Variants in FMN1 observed in about 807,000 individuals in gnomAD.
FMN1 encodes the protein formin-1.
FMN1 carries 110 observed loss-of-function variants against 132.4 expected under a neutral mutation model. The ratio of observed to expected loss-of-function variants is 0.83; its 90% confidence interval spans 0.71 to 0.97. FMN1 has a LOEUF of 0.97. FMN1 is among the 50% of genes least tolerant of loss of function. FMN1 has a pLI of 0.00. For synonymous variants in FMN1, 722 were observed against 651.7 expected (o/e 1.11, Z -1.64); for missense variants, 1,792 against 1,705.3 (o/e 1.05, Z -0.90).
chr15:32,898,142 C>T (rs2060204335), intron 15 of FMN1, among the ~76,000 whole-genome samples: 1 of 152,170 alleles, frequency 6.6e-6, no homozygotes, highest in South Asian at 2.1e-4. Context: ...TACTATTCTT[C>T]CCTCGATGCT....
intron 16 of FMN1, among the ~76,000 whole-genome samples, chr15:32,866,993 GCTCT>G (rs1244011944): frequency 6.6e-5 from 10 of 152,258 alleles, no homozygotes; most frequent in East Asian, 3.9e-4. Flanking sequence ...CCCATGCTAT[GCTCT>G]CTGTCTAGAC....
At chr15:32,902,879 GA>G (rs2060331594) in intron 12 of FMN1, among the ~76,000 whole-genome samples, 1 of 152,168 alleles carries the variant, frequency 6.6e-6, no homozygotes, top group African/African-American at 2.4e-5. Context: ...CAGAAAAGGA[GA>G]AAATCTACTA....
chr15:33,125,347 T>C (rs1364073336), intron 4 of FMN1, among the ~76,000 whole-genome samples: 3 of 152,184 alleles, frequency 2.0e-5, no homozygotes, highest in Admixed American at 6.5e-5. Flanking sequence ...TTTAGGAAAA[T>C]AGTTTCCTTT....
intron 6 of FMN1, among the ~76,000 whole-genome samples, chr15:33,018,495 A>G (rs921486974): frequency 3.9e-5 from 6 of 152,128 alleles, no homozygotes; most frequent in South Asian, 2.1e-4. Flanking sequence ...GTGAGAACCC[A>G]AGAGGACTGG....
At chr15:33,068,071 G>A (rs1012610832) in intron 5 of FMN1, 32 of 1,405,800 alleles carry the variant, frequency 2.3e-5, no homozygotes, top group South Asian at 1.6e-5. Context: ...CGGTTTGTGC[G>A]ATGATGTGTT....
chr15:33,151,380 C>G, intron 4 of FMN1: 1 of 1,536,630 alleles, frequency 6.5e-7, no homozygotes, highest in Non-Finnish European at 8.7e-7. Context: ...CAATGGAAGG[C>G]TGAGGCCAAA....
intron 7 of FMN1, among the ~76,000 whole-genome samples, chr15:33,003,923 A>G (rs80226163): frequency 0.16 from 24,552 of 151,992 alleles, 2,215 homozygotes; most frequent in African/African-American, 0.22. Flanking sequence ...TGACAAACCT[A>G]ACAAAAACAA....
In FMN1 at chr15:33,124,836, T is replaced by A. The variant is rs533965707; in HGVS notation, c.1867+28212A>T. The stretch of plus-strand genomic sequence containing the variant: ...CAATACTAGATGAAAAAAATGCTTT[T>A]CATTTTTCTGCATTTTTTTTTTTAA... On this transcript the variant is annotated intron_variant, in intron 4 of 20. Coordinates refer to ENST00000616417, the MANE Select transcript of FMN1 (RefSeq NM_001277313.2). Among the ~76,000 whole-genome samples, 4 of 147,178 alleles carry A rather than the reference T, an allele frequency of 2.7e-5. No individual in the cohort carries two copies. The South Asian group carries it at 8.9e-4, about 33-fold the overall frequency.
chr15:33,033,614 T>G (rs958416825), intron 6 of FMN1, among the ~76,000 whole-genome samples: 1 of 151,944 alleles, frequency 6.6e-6, no homozygotes, highest in African/African-American at 2.4e-5. Context: ...CCACCTTAAT[T>G]AAAACAAAAT....
At chr15:33,041,979 A>G (rs2036461655) in intron 6 of FMN1, among the ~76,000 whole-genome samples, 1 of 152,062 alleles carries the variant, frequency 6.6e-6, no homozygotes, top group Admixed American at 6.5e-5. Context: ...CATGTTATGT[A>G]TATTTTACCA....
Position 33,041,469 on chromosome 15 carries a change from T to TTAA in FMN1, c.2161+23487_2161+23488insTTA, listed in dbSNP as rs1555387317. Among the ~76,000 whole-genome samples the TTAA allele has an allele frequency of 2.4e-5, 3 of 123,566 alleles. No individual in the cohort carries two copies. In the Admixed American group the frequency reaches 2.5e-4, roughly 10 times the overall value. 81.1% of individuals were successfully genotyped at this position (123,566 alleles called of 152,430 possible). ...GCTTTCTTTCGACGTTCCTCACCAG[T>TTAA]AAACAAAAAAAAAAAAGACTGGAAA... On this transcript the variant is annotated intron_variant, in intron 6 of 20. Coordinates refer to ENST00000616417, the MANE Select transcript of FMN1 (RefSeq NM_001277313.2).
intron 9 of FMN1, among the ~76,000 whole-genome samples, chr15:32,958,442 T>C (rs929894234): frequency 1.3e-5 from 2 of 152,192 alleles, no homozygotes; most frequent in African/African-American, 4.8e-5. Context: ...TTCTCGGTCT[T>C]AGTTTCTTAT....
In FMN1 at chr15:33,088,969, A is replaced by G; in HGVS notation, c.1873T>C (p.Ser625Pro). 6.5e-7 allele frequency: 1 copy of G among 1,532,594 alleles called. No individual in the cohort carries two copies. Among genetic ancestry groups the G allele is most frequent in the Non-Finnish European group, 8.7e-7 (1 of 1,145,758 alleles). 94.9% of individuals were successfully genotyped at this position (1,532,594 alleles called of 1,614,324 possible). ...CCGTCCCAGGGAAAGCCCTCAGAGG[A>G]GATACCTAAACAAACACAGAGAAGG... ...EPQHQSPPGI[S>P]SEGFPWDGFN... Residue 625 changes from serine (S) to proline (P), a missense_variant, in exon 5 of 21, where the codon TCC (serine) becomes CCC (proline). Physicochemically the swap from Ser to Pro is moderately conservative, Grantham distance 74. Around this residue, in one of 3 missense-constraint regions of FMN1, gnomAD observed 1,150 missense variants for 1,043.1 expected, o/e 1.10. Transcript: ENST00000616417.
chr15:32,857,689 G>C (rs573819418), intron 16 of FMN1, among the ~76,000 whole-genome samples: 6 of 152,164 alleles, frequency 3.9e-5, no homozygotes, highest in Admixed American at 3.3e-4. Context: ...ACTAACACAA[G>C]GGAAATAATT....
intron 17 of FMN1, among the ~76,000 whole-genome samples, chr15:32,829,554 C>T (rs1398149635): frequency 3.3e-5 from 5 of 152,174 alleles, no homozygotes; most frequent in African/African-American, 4.8e-5. Flanking sequence ...CCCGTGCCTT[C>T]CTTTGAGGCC....
intron 9 of FMN1, among the ~76,000 whole-genome samples, chr15:32,938,163 G>A (rs902379265): frequency 6.6e-6 from 1 of 151,984 alleles, no homozygotes; most frequent in Non-Finnish European, 1.5e-5. Flanking sequence ...TTCCTTGTCA[G>A]TGCAGGCAGA....
chr15:33,000,088 G>A (rs1319254898), intron 7 of FMN1, among the ~76,000 whole-genome samples: 1 of 152,142 alleles, frequency 6.6e-6, no homozygotes. Flanking sequence ...CTCCACAGAG[G>A]CAAGTAGATG....
At chr15:33,086,669 TA>T (rs1225974615) in intron 5 of FMN1, among the ~76,000 whole-genome samples, 1 of 152,216 alleles carries the variant, frequency 6.6e-6, no homozygotes, top group Non-Finnish European at 1.5e-5. Context: ...AAATGCAACT[TA>T]AAGTAATTGA....
At position 32,777,960 on chromosome 15, in the gene FMN1, CATTTATTATATATTATGTATA is replaced by C. The variant is rs2056523721; in HGVS notation, c.4131-1062_4131-1042del. ...TATATATTATGTATAATATATAATA[CATTTATTATATATTATGTATA>C]ATATATAATACATTTATTATATATT... On this transcript the variant is annotated intron_variant, in intron 19 of 20. Coordinates refer to ENST00000616417, the MANE Select transcript of FMN1 (RefSeq NM_001277313.2). 1.8e-3 allele frequency among the ~76,000 whole-genome samples: 2 copies of C among 1,086 alleles called. 1 individual carries two copies. The highest frequency in any genetic ancestry group is 0.02 in the Non-Finnish European group (2 of 102). 0.7% of individuals were successfully genotyped at this position (1,086 alleles called of 152,430 possible).
Sources: gnomAD v4.1 joint callset for allele counts (sites outside exome capture counted in the v4.1 genomes callset) on GRCh38, gnomAD v4.1.1 for gene constraint, gnomAD v4.1.1 regional missense constraint, MANE v1.5 for transcripts, NCBI Gene and HGNC (gene_info 2026-07-23, HGNC 2026-07-21) for gene names.